The following GLI3 variants were observed in gnomAD, a reference collection of about 807,000 sequenced individuals.
GLI3 encodes the protein transcription activator GLI3.
GLI3 carries 20 observed loss-of-function variants against 100.8 expected under a neutral mutation model. That is an observed-to-expected ratio of 0.20 (90% CI 0.14 to 0.29). The LOEUF is 0.29. GLI3 is among the 10% of genes least tolerant of loss of function. The pLI is 1.00. For missense variants in GLI3, 2,040 were observed against 2,128.5 expected (o/e 0.96, Z 0.82); for synonymous variants, 938 against 860.5 (o/e 1.09, Z -1.58).
At chr7:42,210,982 T>C (rs751477306) in intron 2 of GLI3, among the ~76,000 whole-genome samples, 6 of 152,266 alleles carry the variant, frequency 3.9e-5, no homozygotes, top group Non-Finnish European at 5.9e-5. Flanking sequence ...AGCCAGTATG[T>C]ATGCTGATAT....
chr7:42,215,382 C>T (rs1788356323), intron 2 of GLI3, among the ~76,000 whole-genome samples: 4 of 152,150 alleles, frequency 2.6e-5, no homozygotes, highest in Admixed American at 2.6e-4. Context: ...ATCACCCAGT[C>T]TCCCCAAAGC....
rs751293431 is a variant in GLI3 at position 41,966,073 on chromosome 7, G to T, written c.3000C>A (p.His1000Gln). ...CCGGGTCGCTGGCCCTCCTCACGCC[G>T]TGGCCCGGCGCATCGTGCGGCTGCA... ...RHLQPHDAPG[H>Q]GVRRASDPVR... Residue 1000 changes from histidine to glutamine, a missense_variant, in exon 15 of 15, where the codon CAC becomes CAA. Transcript: ENST00000395925. The surrounding 1 kb of genome is among the most constrained non-coding windows in gnomAD (Gnocchi z 5.8). The T allele has an allele frequency of 1.3e-6, 2 of 1,572,518 alleles. No homozygotes were observed. The highest frequency in any genetic ancestry group is 1.1e-5 in the South Asian group (1 of 88,012).
At chr7:42,253,505 G>A (rs1306929716) in intron 1 of GLI3, among the ~76,000 whole-genome samples, 3 of 152,272 alleles carry the variant, frequency 2.0e-5, no homozygotes, top group East Asian at 1.9e-4. Context: ...AGGGCTGAAC[G>A]AATCAATTTC....
At chr7:42,129,861 A>C (rs1039361940) in intron 3 of GLI3, among the ~76,000 whole-genome samples, 1 of 152,024 alleles carries the variant, frequency 6.6e-6, no homozygotes, top group Non-Finnish European at 1.5e-5. Flanking sequence ...TACCGGACAC[A>C]CCCGTGACAG....
chr7:42,042,413 A>G (rs1408171622), intron 6 of GLI3, among the ~76,000 whole-genome samples: 1 of 152,180 alleles, frequency 6.6e-6, no homozygotes, highest in African/African-American at 2.4e-5. Context: ...TGAGAGGCTA[A>G]TTTCATCATG....
chr7:41,962,601 C>T lies in GLI3; in HGVS notation c.*1729G>A, dbSNP rs546654313. On this transcript the variant is annotated 3_prime_UTR_variant, in exon 15 of 15. Coordinates refer to ENST00000395925, the MANE Select transcript of GLI3 (RefSeq NM_000168.6). Reference sequence around the variant, plus strand: ...TCTAGTTGAAAGCAAACCTAATAGTCTTAGCCAAAGTCCCCAGTGGCAAAT... The same window carrying T: ...TCTAGTTGAAAGCAAACCTAATAGTTTTAGCCAAAGTCCCCAGTGGCAAAT... 6.6e-6 allele frequency: 1 copy of T among 152,288 alleles called. No homozygotes were observed. Among genetic ancestry groups the T allele is most frequent in the South Asian group, 2.1e-4 (1 of 4,828 alleles). The allele number at this position is 152,288 out of a possible 1,614,324, so 9.4% of individuals were successfully genotyped here.
chr7:42,239,771 A>C (rs1415659700), upstream of GLI3, among the ~76,000 whole-genome samples: 1 of 152,202 alleles, frequency 6.6e-6, no homozygotes, highest in East Asian at 1.9e-4. Flanking sequence ...AGGAAGAATA[A>C]TGCTGTGTCT....
At chr7:42,198,335 C>A (rs974786109) in intron 2 of GLI3, among the ~76,000 whole-genome samples, 16 of 152,262 alleles carry the variant, frequency 1.1e-4, no homozygotes, top group African/African-American at 3.9e-4. Context: ...AGGGCAGGTT[C>A]GGAGCTTCAG....
At chr7:41,996,797 T>C (rs888820256) in intron 10 of GLI3, among the ~76,000 whole-genome samples, 4 of 152,324 alleles carry the variant, frequency 2.6e-5, no homozygotes, top group Admixed American at 2.6e-4. Flanking sequence ...GTCTTCTGGA[T>C]TTTATGCATG....
intron 5 of GLI3, among the ~76,000 whole-genome samples, chr7:42,048,026 T>C (rs1344259719): frequency 6.6e-6 from 1 of 152,164 alleles, no homozygotes; most frequent in Non-Finnish European, 1.5e-5. Context: ...AGCCCTCCTC[T>C]AACAGACGCA....
intron 3 of GLI3, among the ~76,000 whole-genome samples, chr7:42,085,071 C>T (rs757200294): frequency 2.6e-4 from 39 of 151,908 alleles, no homozygotes; most frequent in Non-Finnish European, 4.7e-4. Flanking sequence ...ACCACCACGC[C>T]CGGCTAATTT....
intron 3 of GLI3, among the ~76,000 whole-genome samples, chr7:42,129,931 TA>T (rs1786231983): frequency 6.6e-6 from 1 of 152,180 alleles, no homozygotes; most frequent in African/African-American, 2.4e-5. Flanking sequence ...TTTCTCCAGA[TA>T]AAAATTTTAT....
At position 41,972,368 on chromosome 7, in the gene GLI3, T is replaced by C. The variant is rs775524282; in HGVS notation, c.2072A>G (p.Gln691Arg). 1.9e-6 allele frequency: 3 copies of C among 1,614,154 alleles called. No homozygotes were observed. The highest frequency in any genetic ancestry group is 2.5e-6 in the Non-Finnish European group (3 of 1,180,018). Residue 691 changes from glutamine to arginine, a missense_variant, in exon 13 of 15, where the codon CAG (glutamine) becomes CGG (arginine). By Grantham distance (43) the Gln-to-Arg change is conservative. Coordinates refer to ENST00000395925, the MANE Select transcript of GLI3 (RefSeq NM_000168.6). The surrounding 1 kb of genome is among the most constrained non-coding windows in gnomAD (Gnocchi z 4.4). ...CTTCTCTGCCTTGACGGTTTTCACC[T>C]GGAGGCATTCTTCCCGCTTTGAGGT... Reference protein sequence around the residue: ...NTTSKREECLQVKTVKAEKPM... With the variant: ...NTTSKREECLRVKTVKAEKPM...
Position 41,965,080 on chromosome 7 carries a change from G to A in GLI3, c.3993C>T (p.Ser1331=). ...GYLAHQLLGD[S]MQHPGAGRPG... ...GGCGGCCTGCCCCCGGGTGCTGCAT[G>A]CTGTCGCCGAGGAGCTGGTGAGCCA... Residue 1331 remains serine, a synonymous_variant, in exon 15 of 15, where the codon AGC becomes AGT. Coordinates refer to ENST00000395925, the MANE Select transcript of GLI3 (RefSeq NM_000168.6). 6.2e-7 allele frequency: 1 copy of A among 1,613,834 alleles called. No individual in the cohort carries two copies. Among genetic ancestry groups the A allele is most frequent in the Non-Finnish European group, 8.5e-7 (1 of 1,180,012 alleles).
Position 41,986,447 on chromosome 7 carries a change from G to A in GLI3, c.1498-7699C>T, listed in dbSNP as rs1011661793. Among the ~76,000 whole-genome samples, 3 of 102,944 alleles carry A rather than the reference G, an allele frequency of 2.9e-5. No individual in the cohort carries two copies. The East Asian group carries it at 1.0e-3, about 35-fold the overall frequency. The allele number at this position is 102,944 out of a possible 152,430, so 67.5% of individuals were successfully genotyped here. A position where few individuals can be genotyped will look rare whatever the true frequency, so the allele number is the denominator to read the frequency against. Reference sequence around the variant, plus strand: ...ACCTCCCCAGACCTCCCCAAGGAAAGCTGGACTATGCTTCACTGCAGCAGA... The same window carrying A: ...ACCTCCCCAGACCTCCCCAAGGAAAACTGGACTATGCTTCACTGCAGCAGA... On this transcript the variant is annotated intron_variant, in intron 10 of 14. Transcript: ENST00000395925.
chr7:42,141,375 C>T (rs1383766271), intron 3 of GLI3, among the ~76,000 whole-genome samples: 1 of 152,144 alleles, frequency 6.6e-6, no homozygotes, highest in Non-Finnish European at 1.5e-5. Flanking sequence ...TCCAAAGAAT[C>T]GAAGTCCCTG....
At chr7:41,989,028 C>A (rs1030952893) in intron 10 of GLI3, among the ~76,000 whole-genome samples, 1 of 152,144 alleles carries the variant, frequency 6.6e-6, no homozygotes, top group Non-Finnish European at 1.5e-5. Context: ...ATCGTTTCTA[C>A]AAGTTACTGA....
chr7:42,179,538 G>A (rs1337792266), intron 2 of GLI3, among the ~76,000 whole-genome samples: 2 of 152,194 alleles, frequency 1.3e-5, no homozygotes, highest in Non-Finnish European at 2.9e-5. Context: ...GTAAAGCAAG[G>A]ATGGTGGTGA....
chr7:42,205,876 C>T (rs1403682581), intron 2 of GLI3, among the ~76,000 whole-genome samples: 1 of 152,030 alleles, frequency 6.6e-6, no homozygotes, highest in African/African-American at 2.4e-5. Context: ...AAGAGAGTAA[C>T]CTTGTGAGAA....
Sources: gnomAD v4.1 joint callset for allele counts (sites outside exome capture counted in the v4.1 genomes callset) on GRCh38, gnomAD v4.1.1 for gene constraint, Gnocchi (gnomAD v3.1) non-coding constraint, MANE v1.5 for transcripts, NCBI Gene and HGNC (gene_info 2026-07-23, HGNC 2026-07-21) for gene names.